Variants in XYLT1 observed in about 807,000 individuals in gnomAD.
The protein encoded by XYLT1 is beta-D-xylosyltransferase 1.
Under a neutral mutation model 91.3 loss-of-function variants are expected in XYLT1, and 36 were observed. That is an observed-to-expected ratio of 0.39 (90% CI 0.30 to 0.52). XYLT1 has a LOEUF of 0.52. Ranked by LOEUF, XYLT1 falls within the 20% of genes least tolerant of loss-of-function variation. The pLI is 0.68. For missense variants in XYLT1, 1,242 were observed against 1,284.5 expected (o/e 0.97, Z 0.51); for synonymous variants, 588 against 532.0 (o/e 1.11, Z -1.45).
In XYLT1 at chr16:17,105,635, A is replaced by C. The variant is rs2141472881; in HGVS notation, c.*3060T>G. On this transcript the variant is annotated 3_prime_UTR_variant, in exon 12 of 12. Transcript: ENST00000261381. ...TATAAGGAGTGCCGCAGCCTAAAGA[A>C]TGCTTCCTTCTCCACAAACCAATAC... 6.6e-6 allele frequency: 1 copy of C among 152,142 alleles called. No homozygotes were observed. Among genetic ancestry groups the C allele is most frequent in the Admixed American group, 6.5e-5 (1 of 15,282 alleles). 9.4% of individuals were successfully genotyped at this position (152,142 alleles called of 1,614,324 possible).
chr16:17,266,444 A>G (rs1378051715), intron 2 of XYLT1, among the ~76,000 whole-genome samples: 4 of 152,326 alleles, frequency 2.6e-5, no homozygotes, highest in African/African-American at 4.8e-5. Flanking sequence ...AGAAGACGCT[A>G]TATTTTCTAC....
chr16:17,350,393 A>T (rs4781995), intron 2 of XYLT1, among the ~76,000 whole-genome samples: 32,137 of 152,134 alleles, frequency 0.21, 3,693 homozygotes, highest in Middle Eastern at 0.29. Flanking sequence ...AGAAGATCCC[A>T]TGGCCAGGAG....
chr16:17,292,562 T>C (rs1174129736), intron 2 of XYLT1, among the ~76,000 whole-genome samples: 5 of 152,244 alleles, frequency 3.3e-5, no homozygotes, highest in Admixed American at 3.3e-4. Flanking sequence ...TGGATCCCTG[T>C]ACAGCTCTGG....
At chr16:17,254,598 T>C (rs1221058774) in intron 3 of XYLT1, among the ~76,000 whole-genome samples, 1 of 152,146 alleles carries the variant, frequency 6.6e-6, no homozygotes, top group Non-Finnish European at 1.5e-5. Context: ...TTTTACCATG[T>C]GGCCCAGGCT....
intron 9 of XYLT1, 149 bp downstream of exon 9, chr16:17,134,324 G>A (rs539329731): frequency 6.8e-5 from 71 of 1,040,628 alleles, no homozygotes; most frequent in African/African-American, 3.2e-4. Context: ...GGAGGGTGGC[G>A]TTAGATGAGT....
intron 2 of XYLT1, among the ~76,000 whole-genome samples, chr16:17,339,011 A>T (rs574849722): frequency 1.3e-5 from 2 of 152,356 alleles, no homozygotes; most frequent in East Asian, 3.9e-4. Context: ...ACAAAAATTC[A>T]ACTATAAACA....
chr16:17,181,857 C>T (rs1011693930), intron 5 of XYLT1, among the ~76,000 whole-genome samples: 3 of 152,008 alleles, frequency 2.0e-5, no homozygotes, highest in African/African-American at 7.3e-5. Context: ...GGGGTGGGTA[C>T]AGTAAGCTAA....
At chr16:17,244,394 A>G (rs559465151) in intron 3 of XYLT1, among the ~76,000 whole-genome samples, 6 of 152,252 alleles carry the variant, frequency 3.9e-5, no homozygotes, top group Non-Finnish European at 7.4e-5. Context: ...AAACCTGAAG[A>G]GGGATCCCAG....
At chr16:17,316,956 G>A (rs1189553597) in intron 2 of XYLT1, among the ~76,000 whole-genome samples, 1 of 151,602 alleles carries the variant, frequency 6.6e-6, no homozygotes, top group African/African-American at 2.4e-5. Context: ...CCGAGTAGCT[G>A]GGACTACAGG....
At chr16:17,416,882 A>G (rs2036186607) in intron 1 of XYLT1, among the ~76,000 whole-genome samples, 1 of 152,234 alleles carries the variant, frequency 6.6e-6, no homozygotes. Flanking sequence ...ACGGACAGCC[A>G]GCAGAGACGT....
chr16:17,310,231 T>A (rs1296750323), intron 2 of XYLT1, among the ~76,000 whole-genome samples: 1 of 152,166 alleles, frequency 6.6e-6, no homozygotes, highest in African/African-American at 2.4e-5. Flanking sequence ...ATTACCAGGT[T>A]TTCACTCACA....
intron 2 of XYLT1, among the ~76,000 whole-genome samples, chr16:17,292,430 T>C (rs1487497827): frequency 2.0e-5 from 3 of 152,218 alleles, no homozygotes; most frequent in Non-Finnish European, 2.9e-5. Context: ...CTCTTGATTG[T>C]GTTCTGTTTC....
chr16:17,374,441 G>A (rs1481607796), intron 1 of XYLT1, among the ~76,000 whole-genome samples: 1 of 152,024 alleles, frequency 6.6e-6, no homozygotes, highest in African/African-American at 2.4e-5. Flanking sequence ...TATAATATTT[G>A]GCTTTTACAT....
intron 3 of XYLT1, among the ~76,000 whole-genome samples, chr16:17,235,931 A>G (rs748925923): frequency 6.6e-6 from 1 of 152,202 alleles, no homozygotes; most frequent in Non-Finnish European, 1.5e-5. Flanking sequence ...CAGTGGCCCA[A>G]CTGCTGCTCA....
At chr16:17,226,388 T>C (rs188710679) in intron 3 of XYLT1, among the ~76,000 whole-genome samples, 152 of 152,342 alleles carry the variant, frequency 1.0e-3, no homozygotes, top group Admixed American at 2.7e-3. Context: ...GATAACTCTC[T>C]ATTGGAGGTG....
chr16:17,461,373 G>C (rs1212505201), intron 1 of XYLT1, among the ~76,000 whole-genome samples: 1 of 152,242 alleles, frequency 6.6e-6, no homozygotes, highest in Non-Finnish European at 1.5e-5. Context: ...TCTCCCTAGA[G>C]ATCGGCCACT....
intron 1 of XYLT1, among the ~76,000 whole-genome samples, chr16:17,376,499 A>C (rs981007195): frequency 3.9e-5 from 6 of 152,216 alleles, no homozygotes; most frequent in Non-Finnish European, 4.4e-5. Context: ...TGAAGGGCCT[A>C]AAACAGATTT....
At chr16:17,310,382 C>T (rs1016259991) in intron 2 of XYLT1, among the ~76,000 whole-genome samples, 11 of 151,888 alleles carry the variant, frequency 7.2e-5, no homozygotes, top group African/African-American at 2.4e-4. Flanking sequence ...ATACAGTCTC[C>T]GTACACTGGG....
intron 1 of XYLT1, among the ~76,000 whole-genome samples, chr16:17,377,972 AAAG>A (rs558789934): frequency 3.9e-5 from 6 of 152,354 alleles, no homozygotes; most frequent in African/African-American, 9.6e-5. Flanking sequence ...TTTGGAGGAC[AAAG>A]AAGATACCCA....
Sources: gnomAD v4.1 joint callset for allele counts (sites outside exome capture counted in the v4.1 genomes callset) on GRCh38, gnomAD v4.1.1 for gene constraint, MANE v1.5 for transcripts, NCBI Gene and HGNC (gene_info 2026-07-23, HGNC 2026-07-21) for gene names.